The following BCO2 variants were observed in gnomAD, a reference collection of about 807,000 sequenced individuals.
BCO2 encodes carotenoid-cleaving dioxygenase, mitochondrial.
A neutral mutation model predicts 65.8 loss-of-function variants in BCO2; 56 were observed. The observed-to-expected ratio is 0.85, with a 90% CI of 0.69 to 1.06. The LOEUF is 1.06. BCO2 is among the 50% of genes least tolerant of loss of function. The probability of loss-of-function intolerance (pLI) is 0.00; values close to 1 mark genes in which losing one functional copy is unlikely to be tolerated. For synonymous variants in BCO2, 233 were observed against 242.3 expected, an observed-to-expected ratio of 0.96 and a Z score of 0.36; for missense variants, 675 against 698.5, an observed-to-expected ratio of 0.97 and a Z score of 0.38.
At chr11:112,217,641 G>A (rs1859719502) in intron 11 of BCO2, 120 bp from the exon 12 acceptor site, 1 of 661,250 alleles carries the variant, frequency 1.5e-6, no homozygotes, top group Non-Finnish European at 2.6e-6. Flanking sequence ...GATTACAGGT[G>A]TGAGCCACTG....
At chr11:112,217,298 G>C (rs1859707105) in intron 11 of BCO2, among the ~76,000 whole-genome samples, 1 of 152,222 alleles carries the variant, frequency 6.6e-6, no homozygotes, top group African/African-American at 2.4e-5. Flanking sequence ...GAGGCACTGT[G>C]CTAGGTTCTG....
intron 8 of BCO2, among the ~76,000 whole-genome samples, chr11:112,212,118 A>G (rs1196808988): frequency 6.6e-6 from 1 of 152,208 alleles, no homozygotes; most frequent in Non-Finnish European, 1.5e-5. Context: ...ATATTTCTGC[A>G]TGCTACAGAG....
chr11:112,189,646 C>T (rs1200879638), intron 2 of BCO2, among the ~76,000 whole-genome samples: 1 of 152,086 alleles, frequency 6.6e-6, no homozygotes, highest in Non-Finnish European at 1.5e-5. Flanking sequence ...TTGTGATCCG[C>T]CTGCCTCGGC....
chr11:112,198,304 T>C (rs1263185240), intron 5 of BCO2, among the ~76,000 whole-genome samples: 1 of 151,786 alleles, frequency 6.6e-6, no homozygotes, highest in Non-Finnish European at 1.5e-5. Context: ...GACTGGGTGA[T>C]AGTGCAAGGC....
At chr11:112,178,067 C>A (rs1866932687) in intron 1 of BCO2, among the ~76,000 whole-genome samples, 1 of 149,564 alleles carries the variant, frequency 6.7e-6, no homozygotes, top group Non-Finnish European at 1.5e-5. Context: ...GGCCAACACA[C>A]CCGGCTATTT....
chr11:112,187,017 C>T (rs377719766), intron 2 of BCO2, among the ~76,000 whole-genome samples: 21 of 152,260 alleles, frequency 1.4e-4, no homozygotes, highest in East Asian at 1.2e-3. Flanking sequence ...TTCGACAAGG[C>T]CACATACTAA....
intron 2 of BCO2, among the ~76,000 whole-genome samples, chr11:112,180,087 T>C (rs758332175): frequency 6.6e-6 from 1 of 152,240 alleles, no homozygotes; most frequent in African/African-American, 2.4e-5. Flanking sequence ...AAGTCCCTTA[T>C]ATAAAATGCT....
chr11:112,193,476 A>G lies in BCO2; in HGVS notation c.296A>G (p.Tyr99Cys). Residue 99 changes from tyrosine (Y) to cysteine (C), a missense_variant and splice_region_variant, in exon 3 of 12, where the codon TAC (tyrosine) becomes TGC (cysteine). Tyr to Cys is a radical substitution (Grantham distance 194). Transcript: ENST00000357685. ...TATTTATTTTCTCCTGTTTGAAGGT[A>G]CAATCATTGGTTTGATGGGATGGCG... ...PGKFEFGKDK[Y>C]NHWFDGMALL... The G allele has an allele frequency of 1.2e-6, 2 of 1,613,672 alleles. No individual in the cohort carries two copies. The highest frequency in any genetic ancestry group is 1.7e-6 in the Non-Finnish European group (2 of 1,179,614).
chr11:112,181,097 A>G, intron 2 of BCO2: 1 of 1,496,718 alleles, frequency 6.7e-7, no homozygotes. Flanking sequence ...CACTTTAGTG[A>G]ATAAAGAACC....
chr11:112,181,893 G>T, intron 2 of BCO2: 1 of 801,796 alleles, frequency 1.2e-6, no homozygotes, highest in Non-Finnish European at 2.1e-6. Context: ...GCTTGACTGT[G>T]CAAATATCCA....
chr11:112,214,958 CTT>C lies in BCO2; in HGVS notation c.1515+16_1515+17del. 1.2e-6 allele frequency: 2 copies of C among 1,613,730 alleles called. No homozygotes were observed. The highest frequency in any genetic ancestry group is 1.7e-6 in the Non-Finnish European group (2 of 1,179,714). On this transcript the variant is annotated intron_variant, in intron 10 of 11. Coordinates refer to ENST00000357685, the MANE Select transcript of BCO2 (RefSeq NM_031938.7). ...AAGACACTGAAGGTGATGAAAAACTCTTTCCTTTTTGAACTTTTCAGAGACCT... is the reference window on the plus strand; with the variant it reads ...AAGACACTGAAGGTGATGAAAAACTCTCCTTTTTGAACTTTTCAGAGACCT...
chr11:112,206,551 C>T (rs966157802), intron 8 of BCO2, among the ~76,000 whole-genome samples: 5 of 152,142 alleles, frequency 3.3e-5, no homozygotes, highest in Non-Finnish European at 7.4e-5. Context: ...TTGAGCCCAG[C>T]AGTTCAAGAT....
chr11:112,206,833 A>G (rs919792467), intron 8 of BCO2, among the ~76,000 whole-genome samples: 1 of 152,210 alleles, frequency 6.6e-6, no homozygotes, highest in Non-Finnish European at 1.5e-5. Context: ...GAGTCTTCCA[A>G]TCCATGAACA....
chr11:112,187,671 T>G lies in BCO2; in HGVS notation c.294-5803T>G, dbSNP rs556027006. ...TCCCACCTCCGCACTTCCCCACACT[T>G]CTGATCAGAGGACGCAGCTCTTTTC... On this transcript the variant is annotated intron_variant, in intron 2 of 11. Coordinates refer to ENST00000357685, the MANE Select transcript of BCO2 (RefSeq NM_031938.7). Among the ~76,000 whole-genome samples the G allele has an allele frequency of 5.3e-3, 800 of 152,250 alleles. 2 individuals are homozygous for G. The highest frequency in any genetic ancestry group is 0.018 in the African/African-American group (767 of 41,518).
intron 8 of BCO2, among the ~76,000 whole-genome samples, chr11:112,203,940 T>C (rs1213829918): frequency 6.6e-6 from 1 of 152,072 alleles, no homozygotes; most frequent in East Asian, 1.9e-4. Flanking sequence ...CTGCAACCTC[T>C]GCTCCCGGGT....
chr11:112,182,842 T>TAAA (rs147148497), intron 2 of BCO2: 237 of 719,236 alleles, frequency 3.3e-4, no homozygotes, highest in Middle Eastern at 7.7e-4. Context: ...CCCTAGAACT[T>TAAA]ATATATATAT....
chr11:112,211,586 G>A (rs959849313), intron 8 of BCO2, among the ~76,000 whole-genome samples: 2 of 151,996 alleles, frequency 1.3e-5, no homozygotes, highest in Non-Finnish European at 2.9e-5. Context: ...CATCAGCAAT[G>A]CACAAGAGTT....
chr11:112,216,469 C>G, intron 11 of BCO2, 139 bp downstream of exon 11: 1 of 596,144 alleles, frequency 1.7e-6, no homozygotes. Context: ...TTTACATACC[C>G]TTTTATCTCA....
At chr11:112,199,150 TC>T (rs1034007857) in intron 5 of BCO2, among the ~76,000 whole-genome samples, 2 of 152,072 alleles carry the variant, frequency 1.3e-5, no homozygotes, top group Non-Finnish European at 2.9e-5. Flanking sequence ...GACGTTCTCC[TC>T]CCAGTGTCCA....
Sources: gnomAD v4.1 joint callset for allele counts (sites outside exome capture counted in the v4.1 genomes callset) on GRCh38, gnomAD v4.1.1 for gene constraint, MANE v1.5 for transcripts, NCBI Gene and HGNC (gene_info 2026-07-23, HGNC 2026-07-21) for gene names.